ATP2B2: variants seen among roughly 807,000 people sequenced by gnomAD.
ATP2B2 encodes the protein ATPase plasma membrane Ca2+ transporting 2.
In ATP2B2, 15 loss-of-function variants were observed where a neutral mutation model predicts 120.0. The observed-to-expected ratio is 0.12, with a 90% confidence interval of 0.08 to 0.19. The LOEUF is 0.19. Ranked by LOEUF, ATP2B2 falls within the 10% of genes least tolerant of loss-of-function variation. ATP2B2 has a pLI of 1.00. For missense variants in ATP2B2, 1,045 were observed against 1,719.8 expected, an observed-to-expected ratio of 0.61 and a Z score of 6.94; for synonymous variants, 694 against 700.3, an observed-to-expected ratio of 0.99 and a Z score of 0.14.
intron 2 of ATP2B2, among the ~76,000 whole-genome samples, chr3:10,423,317 G>A (rs545554505): frequency 4.6e-5 from 7 of 152,276 alleles, no homozygotes; most frequent in South Asian, 4.1e-4. Flanking sequence ...CCCATTTGAC[G>A]GTTGGGAAAA....
At chr3:10,609,535 G>A (rs2069174168) in intron 2 of ATP2B2, among the ~76,000 whole-genome samples, 1 of 152,174 alleles carries the variant, frequency 6.6e-6, no homozygotes, top group South Asian at 2.1e-4. Flanking sequence ...GGGGTTGGAT[G>A]GTAAAGCACT....
intron 14 of ATP2B2, among the ~76,000 whole-genome samples, chr3:10,358,009 AC>A (rs1393437336): frequency 6.6e-6 from 1 of 152,196 alleles, no homozygotes; most frequent in Non-Finnish European, 1.5e-5. Flanking sequence ...TGTGCTGAGC[AC>A]CCCACTAGGT....
chr3:10,464,410 C>T (rs937049385), intron 1 of ATP2B2, among the ~76,000 whole-genome samples: 160 of 152,218 alleles, frequency 1.1e-3, no homozygotes, highest in Non-Finnish European at 1.3e-3. Flanking sequence ...GCTCCAAGCC[C>T]CCCAAATAAA....
rs200049279 is a variant in ATP2B2, at chr3:10,449,478, G to T, written c.66C>A (p.Gly22=). 12 of 1,614,188 alleles carry T rather than the reference G, an allele frequency of 7.4e-6. No homozygotes were observed. In the African/African-American group the frequency reaches 9.3e-5, roughly 13 times the overall value. The change falls in exon 2 of 23, where the codon GGC becomes GGA. Residue 22 remains glycine, a synonymous_variant. Coordinates refer to ENST00000360273, the MANE Select transcript of ATP2B2 (RefSeq NM_001001331.4). ...GCTCCTCCATTGTGCACCCGAACTC[G>T]CCCCCATGGCTCGACTCATTTCTTT... The part of the protein sequence containing the change: ...KNQRNESSHG[G]EFGCTMEELR...
At chr3:10,677,561 CA>C (rs773951459) in intron 1 of ATP2B2, among the ~76,000 whole-genome samples, 1 of 152,124 alleles carries the variant, frequency 6.6e-6, no homozygotes, top group Non-Finnish European at 1.5e-5. Flanking sequence ...CATGATGTGT[CA>C]ATGTAGGCCC....
chr3:10,430,246 T>C lies in ATP2B2; in HGVS notation c.199+19099A>G, dbSNP rs142941502. On this transcript the variant is annotated intron_variant, in intron 2 of 22. Transcript: ENST00000360273. ...AGGAGTCATTTAAACTTTCAAGTCTTATTTAAAAAATACACTCATAAGGCG... is the reference window on the plus strand; with the variant it reads ...AGGAGTCATTTAAACTTTCAAGTCTCATTTAAAAAATACACTCATAAGGCG... 8.4e-3 allele frequency among the ~76,000 whole-genome samples: 1,275 copies of C among 152,334 alleles called. 17 individuals are homozygous for C. The highest frequency in any genetic ancestry group is 0.029 in the African/African-American group (1,215 of 41,572).
intron 1 of ATP2B2, among the ~76,000 whole-genome samples, chr3:10,668,336 C>T (rs2071001565): frequency 6.6e-6 from 1 of 152,234 alleles, no homozygotes; most frequent in Admixed American, 6.5e-5. Flanking sequence ...GATTCAAACC[C>T]AGATCGATCT....
rs17032825 is a variant in ATP2B2 at position 10,402,221 on chromosome 3, T to C, written c.525A>G (p.Lys175=). The change falls in exon 4 of 23, where the codon AAA becomes AAG. Residue 175 remains lysine (K), a synonymous_variant. Coordinates refer to ENST00000360273, the MANE Select transcript of ATP2B2 (RefSeq NM_001001331.4). The surrounding 1 kb of genome is among the most constrained non-coding windows in gnomAD (Gnocchi z 4.9). The part of the protein sequence containing the change: ...VLVTAFNDWS[K]EKQFRGLQSR... Reference sequence around the variant, plus strand: ...TCTGCAGGCCCCGGAACTGTTTCTCTTTGCTCCAGTCATTGAAGGCCGTGA... The same window carrying C: ...TCTGCAGGCCCCGGAACTGTTTCTCCTTGCTCCAGTCATTGAAGGCCGTGA... The C allele has an allele frequency of 1.2e-3, 1,944 of 1,614,174 alleles. 24 individuals carry two copies. The African/African-American group carries it at 0.023, about 19-fold the overall frequency.
At chr3:10,454,616 G>C (rs1387720506) in intron 1 of ATP2B2, among the ~76,000 whole-genome samples, 2 of 152,136 alleles carry the variant, frequency 1.3e-5, no homozygotes, top group African/African-American at 2.4e-5. Flanking sequence ...CCAAGCTGTA[G>C]AGCCCACTTT....
intron 2 of ATP2B2, among the ~76,000 whole-genome samples, chr3:10,419,047 G>A (rs569725058): frequency 1.2e-4 from 18 of 152,362 alleles, no homozygotes; most frequent in African/African-American, 4.1e-4. Flanking sequence ...TTCAGTGCTG[G>A]TGACTTGGGC....
chr3:10,439,615 C>T (rs975522367), intron 2 of ATP2B2, among the ~76,000 whole-genome samples: 2 of 152,254 alleles, frequency 1.3e-5, no homozygotes, highest in South Asian at 4.2e-4. Context: ...CCAACCCAGG[C>T]TTTTGGATAC....
Position 10,378,224 on chromosome 3 carries a change from TC to T in ATP2B2, c.1201+27del. The T allele has an allele frequency of 1.9e-6, 3 of 1,600,336 alleles. No homozygotes were observed. In the Admixed American group the frequency reaches 5.0e-5, roughly 27 times the overall value. The stretch of plus-strand genomic sequence containing the variant: ...GCCTGGGGTCCCCCTGTGAGCCCTG[TC>T]CCCTGCCTCCCACCTGCTGCACTCA... On this transcript the variant is annotated intron_variant, in intron 10 of 22. Coordinates refer to ENST00000360273, the MANE Select transcript of ATP2B2 (RefSeq NM_001001331.4).
At chr3:10,439,770 C>A (rs1027192824) in intron 2 of ATP2B2, among the ~76,000 whole-genome samples, 4 of 151,912 alleles carry the variant, frequency 2.6e-5, no homozygotes, top group Non-Finnish European at 5.9e-5. Context: ...AATCCCAGCA[C>A]TTTGGAAGGC....
intron 3 of ATP2B2, among the ~76,000 whole-genome samples, chr3:10,511,674 C>T (rs1011632038): frequency 6.6e-6 from 1 of 152,164 alleles, no homozygotes; most frequent in African/African-American, 2.4e-5. Context: ...CTGGGACCAG[C>T]GTGCTTGAGC....
At chr3:10,548,993 A>C (rs1173921393) in intron 2 of ATP2B2, among the ~76,000 whole-genome samples, 1 of 152,206 alleles carries the variant, frequency 6.6e-6, no homozygotes, top group African/African-American at 2.4e-5. Context: ...CATTTATTCA[A>C]AGACTTTTTA....
rs1045204641 is a variant in ATP2B2 at position 10,462,679 on chromosome 3, T to C, written c.-319-12817A>G. On this transcript the variant is annotated intron_variant, in intron 1 of 22. Transcript: ENST00000360273. ...CACAGCTAATGAGGAGTGGCAGATC[T>C]GGGAGTAGAACTGGGCTTTTCTGAC... Among the ~76,000 whole-genome samples the C allele has an allele frequency of 2.0e-5, 3 of 152,244 alleles. No individual in the cohort carries two copies. The East Asian group carries it at 5.8e-4, about 29-fold the overall frequency.
intron 6 of ATP2B2, chr3:10,387,939 C>A (rs899099173): frequency 2.8e-6 from 1 of 355,754 alleles, no homozygotes; most frequent in East Asian, 6.9e-5. Context: ...GATTTCTACT[C>A]AATACTGGAG....
chr3:10,453,900 C>A (rs2125203565), intron 1 of ATP2B2, among the ~76,000 whole-genome samples: 1 of 151,824 alleles, frequency 6.6e-6, no homozygotes, highest in African/African-American at 2.4e-5. Flanking sequence ...ACTCACCCAC[C>A]CTTCCATTCA....
At chr3:10,480,316 A>G (rs1033615829) in intron 1 of ATP2B2, among the ~76,000 whole-genome samples, 5 of 152,224 alleles carry the variant, frequency 3.3e-5, no homozygotes, top group African/African-American at 9.6e-5. Flanking sequence ...AAGATGATGC[A>G]TATGAAAGTG....
Sources: gnomAD v4.1 joint callset for allele counts (sites outside exome capture counted in the v4.1 genomes callset) on GRCh38, gnomAD v4.1.1 for gene constraint, Gnocchi (gnomAD v3.1) non-coding constraint, MANE v1.5 for transcripts, NCBI Gene and HGNC (gene_info 2026-07-23, HGNC 2026-07-21) for gene names.